The following NFATC1 variants were observed in gnomAD, a reference collection of about 807,000 sequenced individuals.
The protein encoded by NFATC1 is nuclear factor of activated T-cells, cytoplasmic 1.
Under a neutral mutation model 76.0 loss-of-function variants are expected in NFATC1, and 22 were observed. The observed-to-expected ratio is 0.29, with a 90% CI of 0.21 to 0.41. The LOEUF is 0.41. Among genes scored for constraint, NFATC1 ranks in the 10% least tolerant of loss-of-function variants. NFATC1 has a pLI of 1.00. For missense variants in NFATC1, 1,357 were observed against 1,337.7 expected (o/e 1.01, Z -0.23); for synonymous variants, 704 against 613.1 (o/e 1.15, Z -2.19).
At chr18:79,478,164 C>T (rs1398007400) in intron 8 of NFATC1, among the ~76,000 whole-genome samples, 1 of 146,124 alleles carries the variant, frequency 6.8e-6, no homozygotes, top group Admixed American at 7.0e-5. Context: ...CAGACAGAGC[C>T]CCCGAGGAGC....
chr18:79,401,316 G>C (rs1410401224), intron 1 of NFATC1, among the ~76,000 whole-genome samples: 1 of 152,116 alleles, frequency 6.6e-6, no homozygotes, highest in Non-Finnish European at 1.5e-5. Context: ...CGCCGAGTCT[G>C]TAATGAGGGT....
intron 9 of NFATC1, among the ~76,000 whole-genome samples, chr18:79,488,918 C>A (rs1484999266): frequency 7.1e-6 from 1 of 140,928 alleles, no homozygotes; most frequent in Non-Finnish European, 1.5e-5. Context: ...CTGTGGCCCA[C>A]GTGTGGCTTT....
intron 8 of NFATC1, chr18:79,470,283 T>TCTTGCG (rs2088725088): frequency 6.6e-6 from 1 of 152,372 alleles, no homozygotes; most frequent in Admixed American, 6.5e-5. Flanking sequence ...TCAAAGCTGC[T>TCTTGCG]CTTGGCTTTT....
At chr18:79,439,639 G>A (rs2086902086) in intron 3 of NFATC1, among the ~76,000 whole-genome samples, 2 of 152,230 alleles carry the variant, frequency 1.3e-5, no homozygotes, top group South Asian at 2.1e-4. Flanking sequence ...CGCAGCCCAT[G>A]CAGCTGGGAG....
At chr18:79,502,948 G>A (rs544572675) in intron 9 of NFATC1, among the ~76,000 whole-genome samples, 1 of 152,330 alleles carries the variant, frequency 6.6e-6, no homozygotes. Context: ...CTTGCCATGT[G>A]ACTCAGCAGT....
chr18:79,404,157 G>A (rs974423639), intron 1 of NFATC1, among the ~76,000 whole-genome samples: 19 of 152,232 alleles, frequency 1.2e-4, no homozygotes, highest in African/African-American at 3.9e-4. Context: ...TGATGTGTGC[G>A]TCGGACCAGG....
chr18:79,450,258 A>G lies in NFATC1; in HGVS notation c.1590-696A>G, dbSNP rs569126602. Among the ~76,000 whole-genome samples, 8 of 152,282 alleles carry G rather than the reference A, an allele frequency of 5.3e-5. No homozygotes were observed. The East Asian group carries it at 9.6e-4, about 18-fold the overall frequency. On this transcript the variant is annotated intron_variant, in intron 4 of 9. Transcript: ENST00000427363. ...TTTTTAGTGCATTGAGAATGTATACATGGAATGTTTTACTGGAGTCTAGTT... is the reference window on the plus strand; with the variant it reads ...TTTTTAGTGCATTGAGAATGTATACGTGGAATGTTTTACTGGAGTCTAGTT...
intron 9 of NFATC1, among the ~76,000 whole-genome samples, chr18:79,514,473 A>G (rs76916085): frequency 0.042 from 6,221 of 149,852 alleles, 186 homozygotes; most frequent in Middle Eastern, 0.077. Context: ...GGCAGAGGAG[A>G]AAGGATCGCA....
chr18:79,436,482 G>A (rs1019685926), intron 3 of NFATC1, among the ~76,000 whole-genome samples: 20 of 152,182 alleles, frequency 1.3e-4, no homozygotes, highest in Non-Finnish European at 1.9e-4. Context: ...GTCAGCTCTC[G>A]CGGCCAGGGG....
intron 6 of NFATC1, among the ~76,000 whole-genome samples, chr18:79,455,854 C>T (rs1203782053): frequency 6.6e-6 from 1 of 151,780 alleles, no homozygotes; most frequent in Non-Finnish European, 1.5e-5. Flanking sequence ...GGCCTGTGGG[C>T]AGGCACTAGC....
intron 1 of NFATC1, among the ~76,000 whole-genome samples, chr18:79,409,290 C>T (rs1230100726): frequency 4.8e-5 from 2 of 41,788 alleles, no homozygotes; most frequent in African/African-American, 9.4e-5. Context: ...CCATCATTAT[C>T]TATCCATCAT....
At chr18:79,411,568 AGCGGGACGGGGGGC>A in intron 2 of NFATC1, 67 bp downstream of exon 2, 1 of 1,055,572 alleles carries the variant, frequency 9.5e-7, no homozygotes, top group African/African-American at 1.7e-5. Flanking sequence ...GAACGCGGGG[AGCGGGACGGGGGGC>A]GGCGCGGGGC....
intron 8 of NFATC1, among the ~76,000 whole-genome samples, chr18:79,479,903 G>A (rs770976590): frequency 2.6e-5 from 4 of 152,236 alleles, no homozygotes; most frequent in Admixed American, 6.5e-5. Context: ...GGCACAAGAC[G>A]CCGCTGCCAG....
chr18:79,405,427 C>A (rs927375907), intron 1 of NFATC1, among the ~76,000 whole-genome samples: 1 of 152,252 alleles, frequency 6.6e-6, no homozygotes, highest in African/African-American at 2.4e-5. Flanking sequence ...AAGAAAGTTA[C>A]TGGGAATATT....
At chr18:79,490,848 C>G (rs557928284) in intron 9 of NFATC1, among the ~76,000 whole-genome samples, 1 of 152,278 alleles carries the variant, frequency 6.6e-6, no homozygotes, top group Non-Finnish European at 1.5e-5. Flanking sequence ...TCCCTGGAAC[C>G]TGGAACCCAC....
chr18:79,448,905 A>G lies in NFATC1; in HGVS notation c.1510A>G (p.Thr504Ala), dbSNP rs754885725. Residue 504 changes from threonine to alanine, a missense_variant, in exon 4 of 10, where the codon ACC becomes GCC. Physicochemically the swap from Thr to Ala is moderately conservative, Grantham distance 58. Transcript: ENST00000427363. The part of the protein sequence containing the change: ...VHRITGKTVS[T>A]TSHEAILSNT... The stretch of plus-strand genomic sequence containing the variant: ...CCGCATCACAGGGAAGACCGTGTCC[A>G]CCACCAGCCACGAGGCCATCCTCTC... 1 of 1,613,314 alleles carries G rather than the reference A, an allele frequency of 6.2e-7. No individual in the cohort carries two copies. The highest frequency in any genetic ancestry group is 1.3e-5 in the African/African-American group (1 of 74,944).
chr18:79,432,773 G>A (rs1305220630), intron 2 of NFATC1, among the ~76,000 whole-genome samples: 1 of 152,198 alleles, frequency 6.6e-6, no homozygotes, highest in African/African-American at 2.4e-5. Context: ...AGTCTGCCTG[G>A]GCCTCCTACA....
At chr18:79,416,894 C>G (rs996447543) in intron 2 of NFATC1, among the ~76,000 whole-genome samples, 6 of 152,208 alleles carry the variant, frequency 3.9e-5, no homozygotes, top group Non-Finnish European at 7.3e-5. Context: ...CCTCCTGGCT[C>G]CCGGCATGGG....
chr18:79,464,472 C>T (rs1015106086), intron 7 of NFATC1, among the ~76,000 whole-genome samples: 2 of 151,130 alleles, frequency 1.3e-5, no homozygotes, highest in African/African-American at 4.8e-5. Context: ...ACTTCATACT[C>T]ATCGTGGACA....
Sources: gnomAD v4.1 joint callset for allele counts (sites outside exome capture counted in the v4.1 genomes callset) on GRCh38, gnomAD v4.1.1 for gene constraint, MANE v1.5 for transcripts, NCBI Gene and HGNC (gene_info 2026-07-23, HGNC 2026-07-21) for gene names.